Variants in METTL15 observed in about 807,000 individuals in gnomAD.
The protein encoded by METTL15 is methyltransferase 15, mitochondrial 12S rRNA N4-cytidine.
In METTL15, 34 loss-of-function variants were observed where a neutral mutation model predicts 38.3. The observed-to-expected ratio is 0.89, with a 90% CI of 0.68 to 1.18. The LOEUF is 1.18. METTL15 is among the 50% of genes most tolerant of loss of function. METTL15 has a pLI of 0.00. For synonymous variants in METTL15, 162 were observed against 170.9 expected (o/e 0.95, Z 0.41); for missense variants, 438 against 498.4 (o/e 0.88, Z 1.15).
chr11:28,213,736 A>G (rs1456215842), intron 4 of METTL15, among the ~76,000 whole-genome samples: 1 of 150,972 alleles, frequency 6.6e-6, no homozygotes, highest in African/African-American at 2.4e-5. Context: ...GCTCACTGCA[A>G]GGTCCGCCTC....
At chr11:28,354,313 C>G (rs902857726) in intron 4 of METTL15, among the ~76,000 whole-genome samples, 1 of 152,134 alleles carries the variant, frequency 6.6e-6, no homozygotes, top group Non-Finnish European at 1.5e-5. Context: ...CTGTCCCAAC[C>G]TGGTGTTACC....
intron 6 of METTL15, among the ~76,000 whole-genome samples, chr11:28,480,537 A>G (rs1851386398): frequency 6.6e-6 from 1 of 152,212 alleles, no homozygotes; most frequent in African/African-American, 2.4e-5. Flanking sequence ...AAATGTAATG[A>G]CAGCTCTCGT....
chr11:28,386,392 T>C (rs2133388971), intron 5 of METTL15, among the ~76,000 whole-genome samples: 1 of 151,954 alleles, frequency 6.6e-6, no homozygotes, highest in East Asian at 1.9e-4. Flanking sequence ...TGATATTCCA[T>C]GACAATGGTA....
intron 4 of METTL15, among the ~76,000 whole-genome samples, chr11:28,268,196 C>CAAAAAAAAAAAAAAA (rs71050954): frequency 1.6e-5 from 1 of 64,162 alleles, no homozygotes; most frequent in Non-Finnish European, 2.6e-5. Flanking sequence ...GACTCCGTCT[C>CAAAAAAAAAAAAAAA]AAAAAAAAAA....
chr11:28,340,603 A>G (rs878958760), intron 3 of METTL15, among the ~76,000 whole-genome samples: 1 of 152,228 alleles, frequency 6.6e-6, no homozygotes, highest in Non-Finnish European at 1.5e-5. Flanking sequence ...AGAGTGATGC[A>G]AATCAAGACC....
chr11:28,383,323 T>G (rs1041908160), intron 5 of METTL15, among the ~76,000 whole-genome samples: 4 of 152,226 alleles, frequency 2.6e-5, no homozygotes, highest in African/African-American at 9.6e-5. Context: ...TGGGTAGTGT[T>G]CCATGTTAAA....
chr11:28,310,914 C>CTGCTGCTGCTGGTGG (rs1296842131), intron 6 of METTL15, among the ~76,000 whole-genome samples: 3 of 110,126 alleles, frequency 2.7e-5, no homozygotes, highest in African/African-American at 1.1e-4. Context: ...GCTGCTGCTG[C>CTGCTGCTGCTGGTGG]TGGTGGTGGT....
Position 28,378,074 on chromosome 11 carries a change from A to G in METTL15, c.*358+16038A>G, listed in dbSNP as rs538528997. Among the ~76,000 whole-genome samples the G allele has an allele frequency of 1.1e-4, 16 of 152,154 alleles. No homozygotes were observed. In the South Asian group the frequency reaches 2.9e-3, roughly 28 times the overall value. Reference sequence around the variant, plus strand: ...CTCTCTTCAAAGCTGTCAGACAGGGACATTTAAGTCTGCAGAGGTTACTGC... The same window carrying G: ...CTCTCTTCAAAGCTGTCAGACAGGGGCATTTAAGTCTGCAGAGGTTACTGC... On this transcript the variant is annotated intron_variant and NMD_transcript_variant, in intron 5 of 7. Transcript: ENST00000532947.
At chr11:28,189,821 C>A (rs12293206) in intron 3 of METTL15, among the ~76,000 whole-genome samples, 22,300 of 150,906 alleles carry the variant, frequency 0.15, 1,816 homozygotes, top group East Asian at 0.28. Flanking sequence ...ACATTGTAAT[C>A]GAAATTTCAA....
chr11:28,377,880 G>T (rs948165886), intron 5 of METTL15, among the ~76,000 whole-genome samples: 2 of 151,932 alleles, frequency 1.3e-5, no homozygotes, highest in Non-Finnish European at 2.9e-5. Context: ...TAACAGACAG[G>T]ACCCTCAGCT....
At chr11:28,339,520 C>T (rs1849931091) in intron 3 of METTL15, among the ~76,000 whole-genome samples, 3 of 137,268 alleles carry the variant, frequency 2.2e-5, no homozygotes, top group African/African-American at 8.0e-5. Context: ...CATAATGAGA[C>T]ATAAAGAGAA....
intron 4 of METTL15, among the ~76,000 whole-genome samples, chr11:28,235,109 T>A (rs980718103): frequency 1.3e-5 from 2 of 152,192 alleles, no homozygotes; most frequent in African/African-American, 4.8e-5. Context: ...AAATATCAGA[T>A]AGTTGTAGAT....
intron 4 of METTL15, among the ~76,000 whole-genome samples, chr11:28,358,798 G>A (rs1190896277): frequency 6.6e-6 from 1 of 152,166 alleles, no homozygotes; most frequent in East Asian, 1.9e-4. Flanking sequence ...AACAATGAAT[G>A]AATATGTGAA....
At chr11:28,135,399 TG>T (rs1185221352) in intron 3 of METTL15, among the ~76,000 whole-genome samples, 4 of 152,176 alleles carry the variant, frequency 2.6e-5, no homozygotes, top group African/African-American at 9.7e-5. Context: ...ACCTATGAGT[TG>T]GGTAAATTCC....
chr11:28,394,522 G>T (rs1264966647), intron 5 of METTL15, among the ~76,000 whole-genome samples: 1 of 152,066 alleles, frequency 6.6e-6, no homozygotes, highest in Non-Finnish European at 1.5e-5. Context: ...GGTCTTGGAG[G>T]TGGCAGAGAA....
chr11:28,461,561 A>G (rs1029768856), intron 6 of METTL15, among the ~76,000 whole-genome samples: 1 of 152,076 alleles, frequency 6.6e-6, no homozygotes, highest in African/African-American at 2.4e-5. Flanking sequence ...CTGAAAAGAT[A>G]GAGGCCAAGG....
chr11:28,258,490 C>A (rs1312194528), intron 4 of METTL15, among the ~76,000 whole-genome samples: 3 of 152,096 alleles, frequency 2.0e-5, no homozygotes, highest in Admixed American at 6.5e-5. Context: ...CTGGGTTGAT[C>A]CAGAGGTGCT....
chr11:28,463,619 A>G (rs1043038111), intron 6 of METTL15, among the ~76,000 whole-genome samples: 2 of 152,200 alleles, frequency 1.3e-5, no homozygotes, highest in African/African-American at 4.8e-5. Context: ...AAACATTCTT[A>G]TGCAGATAAC....
chr11:28,379,317 T>C (rs1311589278), intron 5 of METTL15, among the ~76,000 whole-genome samples: 1 of 152,164 alleles, frequency 6.6e-6, no homozygotes, highest in East Asian at 1.9e-4. Flanking sequence ...ATTTGAAGTC[T>C]TTCTGCTTTT....
Sources: gnomAD v4.1 joint callset for allele counts (sites outside exome capture counted in the v4.1 genomes callset) on GRCh38, gnomAD v4.1.1 for gene constraint, MANE v1.5 for transcripts, NCBI Gene and HGNC (gene_info 2026-07-23, HGNC 2026-07-21) for gene names.